The following STXBP5L variants were observed in gnomAD, a reference collection of about 807,000 sequenced individuals.
STXBP5L encodes syntaxin-binding protein 5-like.
A neutral mutation model predicts 144.5 loss-of-function variants in STXBP5L; 65 were observed. The observed-to-expected ratio is 0.45, with a 90% CI of 0.37 to 0.55. STXBP5L has a LOEUF of 0.55. STXBP5L is among the 20% of genes least tolerant of loss of function. The pLI is 0.00. For synonymous variants in STXBP5L, 505 were observed against 469.6 expected, an observed-to-expected ratio of 1.08 and a Z score of -0.97; for missense variants, 1,298 against 1,405.5, an observed-to-expected ratio of 0.92 and a Z score of 1.22.
chr3:121,150,809 T>C (rs889170060), intron 7 of STXBP5L, among the ~76,000 whole-genome samples: 1 of 152,076 alleles, frequency 6.6e-6, no homozygotes, highest in African/African-American at 2.4e-5. Flanking sequence ...TTTTATTGGC[T>C]GGGCATGGTG....
At chr3:120,948,520 C>CT (rs1273316769) in intron 2 of STXBP5L, among the ~76,000 whole-genome samples, 2 of 151,850 alleles carry the variant, frequency 1.3e-5, no homozygotes, top group African/African-American at 2.4e-5. Flanking sequence ...GCAGTGTACA[C>CT]TGTACCCAAT....
intron 22 of STXBP5L, among the ~76,000 whole-genome samples, chr3:121,396,592 G>A (rs2046735771): frequency 1.3e-5 from 2 of 152,206 alleles, no homozygotes; most frequent in African/African-American, 2.4e-5. Flanking sequence ...CAATCCTCGA[G>A]GATTAACTCC....
chr3:121,035,316 T>C (rs1946676173), intron 3 of STXBP5L, among the ~76,000 whole-genome samples: 1 of 152,188 alleles, frequency 6.6e-6, no homozygotes, highest in Non-Finnish European at 1.5e-5. Context: ...TTTCTCAAGT[T>C]TTCTTCTAGT....
chr3:121,404,650 A>G (rs568055196), intron 22 of STXBP5L, among the ~76,000 whole-genome samples: 1 of 152,248 alleles, frequency 6.6e-6, no homozygotes, highest in East Asian at 1.9e-4. Context: ...AGAATCTGAG[A>G]TTTTATTCTA....
In STXBP5L at chr3:121,273,234, T is replaced by G. The variant is rs71329215; in HGVS notation, c.1959-6571T>G. ...AACTTCATCATCACTTTTGTTTGTC[T>G]GTGAAAGTATCTCTCCTTCATTTCT... On this transcript the variant is annotated intron_variant, in intron 18 of 26. Coordinates refer to ENST00000471454, the MANE Select transcript of STXBP5L (RefSeq NM_001308330.2). Among the ~76,000 whole-genome samples, 551 of 152,210 alleles carry G rather than the reference T, an allele frequency of 3.6e-3. 3 individuals are homozygous for G. The highest frequency in any genetic ancestry group is 5.6e-3 in the Non-Finnish European group (383 of 67,986).
intron 3 of STXBP5L, among the ~76,000 whole-genome samples, chr3:120,958,881 C>A (rs1938375057): frequency 6.6e-6 from 1 of 152,160 alleles, no homozygotes; most frequent in Non-Finnish European, 1.5e-5. Flanking sequence ...TCCTATTCAA[C>A]ATAGTGTTGG....
chr3:121,218,988 A>G (rs1577240945), intron 10 of STXBP5L, among the ~76,000 whole-genome samples: 1 of 152,236 alleles, frequency 6.6e-6, no homozygotes, highest in Middle Eastern at 3.4e-3. Context: ...TCATTATTTC[A>G]TGTAGTTAAA....
intron 7 of STXBP5L, among the ~76,000 whole-genome samples, chr3:121,133,574 A>G (rs2045100083): frequency 6.6e-6 from 1 of 152,204 alleles, no homozygotes; most frequent in Non-Finnish European, 1.5e-5. Context: ...CCTTTCCCAG[A>G]CAAACAAAAG....
In STXBP5L at chr3:121,022,756, A is replaced by T. The variant is rs1227195083; in HGVS notation, c.288-18944A>T. Among the ~76,000 whole-genome samples, 2 of 152,106 alleles carry T rather than the reference A, an allele frequency of 1.3e-5. 1 individual carries two copies. The highest frequency in any genetic ancestry group is 4.1e-4 in the South Asian group (2 of 4,824). ...AGTAAAATTGGCAGAGAAGGGACGT[A>T]TCTTAAGGTAAAGCCATCTGTGACA... On this transcript the variant is annotated intron_variant, in intron 3 of 26. Coordinates refer to ENST00000471454, the MANE Select transcript of STXBP5L (RefSeq NM_001308330.2).
At chr3:121,373,305 T>C (rs1169608615) in intron 20 of STXBP5L, among the ~76,000 whole-genome samples, 1 of 152,208 alleles carries the variant, frequency 6.6e-6, no homozygotes, top group Admixed American at 6.5e-5. Context: ...CACAAATGCC[T>C]GCAGTCCTAG....
intron 3 of STXBP5L, among the ~76,000 whole-genome samples, chr3:121,029,915 A>G (rs1946242328): frequency 6.6e-6 from 1 of 152,176 alleles, no homozygotes; most frequent in African/African-American, 2.4e-5. Context: ...AGGCCCACAT[A>G]CATATGAAAA....
At chr3:121,300,379 A>G (rs1428328008) in intron 19 of STXBP5L, among the ~76,000 whole-genome samples, 4 of 152,208 alleles carry the variant, frequency 2.6e-5, no homozygotes, top group Non-Finnish European at 4.4e-5. Context: ...GGGTAAATAT[A>G]AAAAGGTATT....
intron 20 of STXBP5L, among the ~76,000 whole-genome samples, chr3:121,321,151 C>T (rs1337067061): frequency 1.3e-5 from 2 of 152,118 alleles, no homozygotes; most frequent in African/African-American, 2.4e-5. Context: ...CACTTCAATA[C>T]CTTACTTGAT....
At chr3:121,142,486 A>G (rs1214437118) in intron 7 of STXBP5L, among the ~76,000 whole-genome samples, 1 of 152,042 alleles carries the variant, frequency 6.6e-6, no homozygotes, top group East Asian at 1.9e-4. Context: ...ATTCTCCAAA[A>G]TAGATAACAC....
chr3:120,999,472 G>A (rs1369557701), intron 3 of STXBP5L, among the ~76,000 whole-genome samples: 8 of 152,094 alleles, frequency 5.3e-5, no homozygotes, highest in South Asian at 2.1e-4. Flanking sequence ...GTCATTACAC[G>A]TGACATTGGT....
chr3:121,099,103 A>G (rs1282771653), intron 5 of STXBP5L: 3 of 152,186 alleles, frequency 2.0e-5, no homozygotes, highest in Non-Finnish European at 4.4e-5. Flanking sequence ...CATCAGCCTC[A>G]CAGCATGGCA....
At chr3:120,989,452 A>G (rs969140321) in intron 3 of STXBP5L, among the ~76,000 whole-genome samples, 7 of 152,046 alleles carry the variant, frequency 4.6e-5, no homozygotes, top group Admixed American at 1.3e-4. Flanking sequence ...ATGTCTGTTC[A>G]TGTAATTTGC....
chr3:121,164,106 A>G (rs1192005765), intron 9 of STXBP5L, among the ~76,000 whole-genome samples: 2 of 152,130 alleles, frequency 1.3e-5, no homozygotes, highest in Admixed American at 6.6e-5. Context: ...CTAGCAGTTC[A>G]TTTCCATCCC....
At chr3:121,160,218 T>C (rs960614419) in intron 9 of STXBP5L, among the ~76,000 whole-genome samples, 4 of 152,174 alleles carry the variant, frequency 2.6e-5, no homozygotes, top group African/African-American at 9.7e-5. Context: ...AATTTCCTAA[T>C]ATGATTATAG....
Sources: gnomAD v4.1 joint callset for allele counts (sites outside exome capture counted in the v4.1 genomes callset) on GRCh38, gnomAD v4.1.1 for gene constraint, MANE v1.5 for transcripts, NCBI Gene and HGNC (gene_info 2026-07-23, HGNC 2026-07-21) for gene names.